CTNNA3: variants seen among roughly 807,000 people sequenced by gnomAD.
CTNNA3 encodes catenin alpha 3, also known as catenin alpha-3.
In CTNNA3, 76 loss-of-function variants were observed where a neutral mutation model predicts 95.7. The ratio of observed to expected loss-of-function variants is 0.79; its 90% confidence interval spans 0.66 to 0.96. The LOEUF is 0.96. CTNNA3 is among the 40% of genes least tolerant of loss of function. The pLI, the probability that CTNNA3 is intolerant of heterozygous loss-of-function variation, is 0.00. For missense variants in CTNNA3, 1,191 were observed against 1,089.8 expected (o/e 1.09, Z -1.31); for synonymous variants, 431 against 374.4 (o/e 1.15, Z -1.74).
chr10:66,828,238 C>T (rs1385279106), intron 7 of CTNNA3, among the ~76,000 whole-genome samples: 1 of 152,186 alleles, frequency 6.6e-6, no homozygotes, highest in East Asian at 1.9e-4. Context: ...TGCAAGGCAG[C>T]AAAATCTAGA....
intron 7 of CTNNA3, among the ~76,000 whole-genome samples, chr10:66,884,567 C>G (rs535573793): frequency 2.6e-5 from 4 of 152,212 alleles, no homozygotes; most frequent in African/African-American, 9.6e-5. Context: ...CTTCCAGTCC[C>G]AGTCAACACT....
chr10:65,962,246 C>T (rs2077860543), intron 17 of CTNNA3, among the ~76,000 whole-genome samples: 1 of 152,114 alleles, frequency 6.6e-6, no homozygotes, highest in East Asian at 1.9e-4. Flanking sequence ...TTCTCCTAAA[C>T]CTTTCTCCTT....
At position 67,560,169 on chromosome 10, in the gene CTNNA3, C is replaced by T. The variant is rs577389261; in HGVS notation, c.293-20500G>A. On this transcript the variant is annotated intron_variant, in intron 3 of 17. Transcript: ENST00000433211. The stretch of plus-strand genomic sequence containing the variant: ...AAGATACTCCTCGAGAAGAGCAACT[C>T]CAAGACACATAATTGTTAGATTCAC... 9.2e-5 allele frequency among the ~76,000 whole-genome samples: 14 copies of T among 152,070 alleles called. No individual in the cohort carries two copies. The East Asian group carries it at 2.7e-3, about 29-fold the overall frequency.
intron 10 of CTNNA3, among the ~76,000 whole-genome samples, chr10:66,530,015 A>G (rs1425075469): frequency 2.0e-5 from 3 of 152,178 alleles, no homozygotes; most frequent in Admixed American, 2.0e-4. Flanking sequence ...ATTTGATTTA[A>G]TGCTGATGTA....
chr10:67,059,607 T>A (rs960048585), intron 7 of CTNNA3, among the ~76,000 whole-genome samples: 1 of 152,226 alleles, frequency 6.6e-6, no homozygotes, highest in Non-Finnish European at 1.5e-5. Context: ...TTTCCTTTTT[T>A]TAAAGTTGTC....
chr10:66,520,775 T>C lies in CTNNA3; in HGVS notation c.1375-2A>G. ...CAAAGCAAGTGCAGCATTAATAATC[T>C]ATAAAGATAAGGATTGAAAAAATTA... On this transcript the variant is annotated splice_acceptor_variant, in intron 10 of 17. Coordinates refer to ENST00000433211, the MANE Select transcript of CTNNA3 (RefSeq NM_013266.4). LOFTEE classifies it high-confidence loss of function. 6.2e-7 allele frequency: 1 copy of C among 1,611,316 alleles called. No individual in the cohort carries two copies. The highest frequency in any genetic ancestry group is 8.5e-7 in the Non-Finnish European group (1 of 1,178,672).
At chr10:66,308,804 T>C (rs2091965654) in intron 12 of CTNNA3, among the ~76,000 whole-genome samples, 1 of 152,180 alleles carries the variant, frequency 6.6e-6, no homozygotes, top group South Asian at 2.1e-4. Context: ...TAAAAATTCA[T>C]GTTTTATTAT....
At chr10:66,897,060 A>G (rs1447868053) in intron 7 of CTNNA3, among the ~76,000 whole-genome samples, 1 of 152,198 alleles carries the variant, frequency 6.6e-6, no homozygotes, top group Non-Finnish European at 1.5e-5. Context: ...GTTCTCAGCA[A>G]AAGTTTATTG....
intron 11 of CTNNA3, among the ~76,000 whole-genome samples, chr10:66,490,612 C>T (rs10997181): frequency 0.082 from 12,430 of 152,166 alleles, 1,183 homozygotes; most frequent in East Asian, 0.32. Context: ...ATTTGGGGAA[C>T]ATTTCTACAG....
chr10:67,761,214 G>A (rs893831964), intron 1 of CTNNA3, among the ~76,000 whole-genome samples: 5 of 152,074 alleles, frequency 3.3e-5, no homozygotes, highest in Non-Finnish European at 7.4e-5. Context: ...CTATATATGT[G>A]GTCCAGCATT....
intron 7 of CTNNA3, among the ~76,000 whole-genome samples, chr10:66,793,213 T>C (rs1017440212): frequency 6.6e-5 from 10 of 152,124 alleles, no homozygotes; most frequent in Non-Finnish European, 1.3e-4. Flanking sequence ...TGATCACAGC[T>C]CACTGCAGCC....
At chr10:66,337,889 T>G (rs945458112) in intron 12 of CTNNA3, among the ~76,000 whole-genome samples, 1 of 152,026 alleles carries the variant, frequency 6.6e-6, no homozygotes, top group African/African-American at 2.4e-5. Context: ...GACCCAGCAA[T>G]TTCATTCCTA....
chr10:66,047,840 A>T (rs928681001), intron 15 of CTNNA3, among the ~76,000 whole-genome samples: 23 of 152,150 alleles, frequency 1.5e-4, no homozygotes, highest in Admixed American at 1.5e-3. Context: ...CAATAGCCAA[A>T]CCGAGACCCA....
intron 5 of CTNNA3, among the ~76,000 whole-genome samples, chr10:67,413,465 G>C (rs772198202): frequency 2.0e-4 from 31 of 151,980 alleles, no homozygotes; most frequent in Non-Finnish European, 4.0e-4. Flanking sequence ...CTTGGCCTAG[G>C]AAAACACTTA....
chr10:66,658,991 T>C (rs1846162808), intron 9 of CTNNA3, among the ~76,000 whole-genome samples: 1 of 152,078 alleles, frequency 6.6e-6, no homozygotes, highest in Admixed American at 6.6e-5. Flanking sequence ...ACCCAGCAGT[T>C]TTTTTCTTCT....
chr10:67,534,316 C>T (rs1032461219), intron 4 of CTNNA3, among the ~76,000 whole-genome samples: 2 of 152,026 alleles, frequency 1.3e-5, no homozygotes, highest in African/African-American at 4.8e-5. Context: ...TTAGGAAGGG[C>T]ACTACCTATA....
At chr10:66,589,662 T>C (rs1843478627) in intron 10 of CTNNA3, among the ~76,000 whole-genome samples, 1 of 152,162 alleles carries the variant, frequency 6.6e-6, no homozygotes, top group African/African-American at 2.4e-5. Flanking sequence ...TCTTAAGAAA[T>C]GGCATACAAG....
At position 67,218,328 on chromosome 10, in the gene CTNNA3, G is replaced by A. The variant is rs562780859; in HGVS notation, c.843+1279C>T. On this transcript the variant is annotated intron_variant, in intron 6 of 17. Coordinates refer to ENST00000433211, the MANE Select transcript of CTNNA3 (RefSeq NM_013266.4). Reference sequence around the variant, plus strand: ...TGCAAAAGTAATACATATTCAGTGTGTATATAGAGTGTTTCAGGCCCCTAA... The same window carrying A: ...TGCAAAAGTAATACATATTCAGTGTATATATAGAGTGTTTCAGGCCCCTAA... 2.0e-5 allele frequency among the ~76,000 whole-genome samples: 3 copies of A among 152,244 alleles called. No individual in the cohort carries two copies. In the East Asian group the frequency reaches 5.8e-4, roughly 29 times the overall value.
rs557523753 is a variant in CTNNA3 at position 66,502,445 on chromosome 10, C to T, written c.1531+18172G>A. On this transcript the variant is annotated intron_variant, in intron 11 of 17. Coordinates refer to ENST00000433211, the MANE Select transcript of CTNNA3 (RefSeq NM_013266.4). ...CTATCTACCTCAATAATAACATGCA[C>T]TTTTTTTCCCATTGGATTTTGCTCT... Among the ~76,000 whole-genome samples, 222 of 152,144 alleles carry T rather than the reference C, an allele frequency of 1.5e-3. 1 individual carries two copies. The highest frequency in any genetic ancestry group is 5.1e-3 in the African/African-American group (212 of 41,516).
Sources: gnomAD v4.1 joint callset for allele counts (sites outside exome capture counted in the v4.1 genomes callset) on GRCh38, gnomAD v4.1.1 for gene constraint, MANE v1.5 for transcripts, NCBI Gene and HGNC (gene_info 2026-07-23, HGNC 2026-07-21) for gene names.